Variants in AGTPBP1 observed in about 807,000 individuals in gnomAD.
The protein encoded by AGTPBP1 is ATP/GTP binding carboxypeptidase 1.
AGTPBP1 carries 70 observed loss-of-function variants against 143.9 expected under a neutral mutation model. The ratio of observed to expected loss-of-function variants is 0.49; its 90% CI spans 0.40 to 0.59. AGTPBP1 has a LOEUF of 0.59. Ranked by LOEUF, AGTPBP1 falls within the 20% of genes least tolerant of loss-of-function variation. The pLI is 0.00. For missense variants in AGTPBP1, 1,229 were observed against 1,464.5 expected, an observed-to-expected ratio of 0.84 and a Z score of 2.62; for synonymous variants, 463 against 500.2, an observed-to-expected ratio of 0.93 and a Z score of 0.99.
the AGTPBP1 span, among the ~76,000 whole-genome samples, chr9:85,759,392 G>T: frequency 2.6e-5 from 4 of 152,070 alleles, no homozygotes; most frequent in African/African-American, 9.7e-5. Context: ...CTCAGCAAAT[G>T]TAAAAGAACA....
chr9:85,634,495 A>G (rs905201889), intron 13 of AGTPBP1, among the ~76,000 whole-genome samples: 1 of 152,140 alleles, frequency 6.6e-6, no homozygotes, highest in Non-Finnish European at 1.5e-5. Context: ...CAAGCACTGG[A>G]GAGCCTTGCA....
chr9:85,737,484 A>T (rs1007485443), intron 1 of AGTPBP1, among the ~76,000 whole-genome samples: 2 of 152,226 alleles, frequency 1.3e-5, no homozygotes, highest in African/African-American at 4.8e-5. Context: ...AAAAATCCGA[A>T]TTCTGGAAAA....
At chr9:85,720,801 A>G (rs1838056686) in intron 1 of AGTPBP1, among the ~76,000 whole-genome samples, 1 of 152,020 alleles carries the variant, frequency 6.6e-6, no homozygotes, top group African/African-American at 2.4e-5. Flanking sequence ...GTGGGCATTT[A>G]GTGTTGTAAA....
At chr9:85,563,163 A>C (rs1826853641) in intron 25 of AGTPBP1, among the ~76,000 whole-genome samples, 1 of 152,206 alleles carries the variant, frequency 6.6e-6, no homozygotes, top group African/African-American at 2.4e-5. Flanking sequence ...AAACAGACCA[A>C]GACAGAAACT....
intron 6 of AGTPBP1, among the ~76,000 whole-genome samples, chr9:85,676,423 T>C (rs1160909815): frequency 6.6e-6 from 1 of 151,846 alleles, no homozygotes; most frequent in Non-Finnish European, 1.5e-5. Context: ...AGAAAATATA[T>C]AAATGGGCAA....
chr9:85,742,213 G>T (rs1202234387), upstream of AGTPBP1, among the ~76,000 whole-genome samples: 1 of 151,992 alleles, frequency 6.6e-6, no homozygotes, highest in African/African-American at 2.4e-5. Context: ...GGTGTTCCGC[G>T]CGCTGCCGGT....
At chr9:85,651,715 C>T (rs1833173425) in intron 11 of AGTPBP1, among the ~76,000 whole-genome samples, 1 of 152,130 alleles carries the variant, frequency 6.6e-6, no homozygotes, top group African/African-American at 2.4e-5. Context: ...CATATGGTGA[C>T]AACTAATAAA....
chr9:85,801,486 T>C, the AGTPBP1 span, among the ~76,000 whole-genome samples: 155 of 152,190 alleles, frequency 1.0e-3, no homozygotes, highest in Non-Finnish European at 1.6e-3. Flanking sequence ...TCACTGTGCA[T>C]TGTTTGATGT....
chr9:85,804,838 G>C, the AGTPBP1 span, among the ~76,000 whole-genome samples: 1 of 152,176 alleles, frequency 6.6e-6, no homozygotes, highest in Admixed American at 6.5e-5. Flanking sequence ...CTTGCTACTG[G>C]AATCTTGACT....
intron 14 of AGTPBP1, among the ~76,000 whole-genome samples, chr9:85,624,139 T>C (rs899765265): frequency 6.6e-6 from 1 of 152,236 alleles, no homozygotes; most frequent in Non-Finnish European, 1.5e-5. Context: ...CTATATTTAT[T>C]GTAAGAACAT....
intron 18 of AGTPBP1, among the ~76,000 whole-genome samples, chr9:85,593,495 G>C (rs1034691904): frequency 6.6e-6 from 1 of 152,130 alleles, no homozygotes; most frequent in Non-Finnish European, 1.5e-5. Context: ...AGAGGCAATC[G>C]GGGAAGTCTG....
intron 25 of AGTPBP1, among the ~76,000 whole-genome samples, chr9:85,559,187 G>A (rs1280668894): frequency 6.6e-6 from 1 of 152,126 alleles, no homozygotes; most frequent in African/African-American, 2.4e-5. Flanking sequence ...TGACCTGAAA[G>A]AGAAACACCT....
chr9:85,763,703 T>G, the AGTPBP1 span, among the ~76,000 whole-genome samples: 1 of 152,056 alleles, frequency 6.6e-6, no homozygotes, highest in Non-Finnish European at 1.5e-5. Context: ...GTAGACAATG[T>G]CTAAAATTGA....
intron 9 of AGTPBP1, among the ~76,000 whole-genome samples, chr9:85,658,254 T>C (rs1472879632): frequency 6.6e-6 from 1 of 152,176 alleles, no homozygotes; most frequent in African/African-American, 2.4e-5. Context: ...GAGCATTACA[T>C]GATTAGAAAA....
chr9:85,587,648 T>A (rs1366388823), intron 21 of AGTPBP1, among the ~76,000 whole-genome samples: 1 of 152,210 alleles, frequency 6.6e-6, no homozygotes, highest in Non-Finnish European at 1.5e-5. Flanking sequence ...GAAATATTCA[T>A]GCTACTTTCA....
At chr9:85,592,114 A>AT (rs1318091977) in intron 19 of AGTPBP1, among the ~76,000 whole-genome samples, 1 of 151,988 alleles carries the variant, frequency 6.6e-6, no homozygotes, top group Non-Finnish European at 1.5e-5. Context: ...TTGCATCCAC[A>AT]TTTTTTTAAT....
At chr9:85,668,565 A>C (rs559104487) in intron 8 of AGTPBP1, among the ~76,000 whole-genome samples, 44 of 152,260 alleles carry the variant, frequency 2.9e-4, no homozygotes, top group African/African-American at 1.0e-3. Flanking sequence ...TATTTAGAAA[A>C]TAAATGATAG....
the AGTPBP1 span, among the ~76,000 whole-genome samples, chr9:85,755,241 T>C: frequency 8.2e-3 from 1,252 of 152,258 alleles, 20 homozygotes; most frequent in African/African-American, 0.029. Context: ...GACTAGGAAA[T>C]AATACTATAT....
At chr9:85,790,972 G>T in the AGTPBP1 span, among the ~76,000 whole-genome samples, 1 of 152,034 alleles carries the variant, frequency 6.6e-6, no homozygotes, top group Non-Finnish European at 1.5e-5. Context: ...AAGTAGAAAA[G>T]GAATTATTTT....
Sources: allele counts gnomAD v4.1 joint callset (sites outside exome capture counted in the v4.1 genomes callset), GRCh38; gene constraint gnomAD v4.1.1; transcripts MANE v1.5; gene names NCBI Gene and HGNC (gene_info 2026-07-23, HGNC 2026-07-21).